VIPR2: variants seen among roughly 807,000 people sequenced by gnomAD.
The protein encoded by VIPR2 is vasoactive intestinal peptide receptor 2.
VIPR2 carries 48 observed loss-of-function variants against 58.0 expected under a neutral mutation model. That is an observed-to-expected ratio of 0.83 (90% CI 0.66 to 1.05). The LOEUF (loss-of-function observed/expected upper bound fraction) is 1.05. Among genes scored for constraint, VIPR2 ranks in the 50% least tolerant of loss-of-function variants. VIPR2 has a pLI of 0.00. For synonymous variants in VIPR2, 243 were observed against 235.2 expected (o/e 1.03, Z -0.30); for missense variants, 534 against 558.0 (o/e 0.96, Z 0.43).
chr7:159,046,660 G>A (rs1038545414), intron 5 of VIPR2, among the ~76,000 whole-genome samples: 2 of 152,166 alleles, frequency 1.3e-5, no homozygotes, highest in African/African-American at 4.8e-5. Flanking sequence ...TGTACCTTAA[G>A]ATGGCTCAAA....
chr7:159,081,429 A>T (rs1187935992), intron 4 of VIPR2, among the ~76,000 whole-genome samples: 1 of 152,234 alleles, frequency 6.6e-6, no homozygotes, highest in Non-Finnish European at 1.5e-5. Flanking sequence ...AGAAAGCTGA[A>T]ACTGGATCCC....
At chr7:159,122,009 G>A (rs1239272078) in intron 2 of VIPR2, among the ~76,000 whole-genome samples, 2 of 152,352 alleles carry the variant, frequency 1.3e-5, no homozygotes, top group East Asian at 3.9e-4. Flanking sequence ...GTGAAAAGTT[G>A]TTGAACCAGA....
intron 4 of VIPR2, among the ~76,000 whole-genome samples, chr7:159,071,397 G>C (rs1435051568): frequency 1.3e-5 from 2 of 152,188 alleles, no homozygotes; most frequent in African/African-American, 4.8e-5. Context: ...ACCACTCAGA[G>C]AGTGCCTGTC....
chr7:159,034,697 A>G (rs2129492893), intron 8 of VIPR2, 47 bp from the exon 9 acceptor site: 1 of 1,562,634 alleles, frequency 6.4e-7, no homozygotes, highest in Non-Finnish European at 8.8e-7. Context: ...CCACTTTCGC[A>G]AGACAGGTAC....
At chr7:159,059,840 C>G (rs1855533061) in intron 4 of VIPR2, among the ~76,000 whole-genome samples, 1 of 151,290 alleles carries the variant, frequency 6.6e-6, no homozygotes, top group Non-Finnish European at 1.5e-5. Flanking sequence ...CCTCACCTCA[C>G]CTAACCACAA....
intron 4 of VIPR2, among the ~76,000 whole-genome samples, chr7:159,102,447 C>T (rs1326292430): frequency 6.6e-6 from 1 of 152,242 alleles, no homozygotes; most frequent in African/African-American, 2.4e-5. Flanking sequence ...ATCTCAGATA[C>T]GTCTTTATCA....
chr7:159,104,482 G>C (rs374815773), intron 3 of VIPR2, among the ~76,000 whole-genome samples: 48 of 137,260 alleles, frequency 3.5e-4, no homozygotes, highest in African/African-American at 1.3e-3. Flanking sequence ...TGGTGACCAG[G>C]TGCCCAGTCC....
In VIPR2 at chr7:159,063,859, G is replaced by A. The variant is rs1441603382; in HGVS notation, c.358-5281C>T. Among the ~76,000 whole-genome samples, 32 of 94,528 alleles carry A rather than the reference G, an allele frequency of 3.4e-4. 2 individuals carry two copies. Among genetic ancestry groups the A allele is most frequent in the Admixed American group, 5.4e-4 (5 of 9,324 alleles). 62.0% of individuals were successfully genotyped at this position (94,528 alleles called of 152,430 possible). A position where few individuals can be genotyped will look rare whatever the true frequency, so the allele number is the denominator to read the frequency against. ...TGGTGGGGTCTGGGGGGCCTGGTGG[G>A]TTCCGGGGGTCCTGGTGGGGTCTGG... On this transcript the variant is annotated intron_variant, in intron 4 of 12. Transcript: ENST00000262178.
intron 2 of VIPR2, among the ~76,000 whole-genome samples, chr7:159,132,647 T>C (rs1228038995): frequency 9.0e-3 from 1,369 of 151,848 alleles, no homozygotes; most frequent in African/African-American, 0.032. Flanking sequence ...CGAGTCACAG[T>C]GGCCACAGTG....
intron 2 of VIPR2, among the ~76,000 whole-genome samples, chr7:159,114,500 G>C (rs1585528783): frequency 6.6e-6 from 1 of 152,290 alleles, no homozygotes; most frequent in East Asian, 1.9e-4. Flanking sequence ...TAAAATCAAA[G>C]GTCGCTCTGA....
In VIPR2 at chr7:159,144,826, C is replaced by G. The variant is rs993138261; in HGVS notation, c.-55G>C. ...GCGCCCGCCGCCTCCGTCCTAGGTC[C>G]CCGCGGTTCCGCCGCCTCCAGCATG... On this transcript the variant is annotated 5_prime_UTR_variant, in exon 1 of 13. Transcript: ENST00000262178. 12 of 1,228,990 alleles carry G rather than the reference C, an allele frequency of 9.8e-6. No homozygotes were observed. In the African/African-American group the frequency reaches 1.4e-4, roughly 14 times the overall value. The allele number at this position is 1,228,990 out of a possible 1,614,324, so 76.1% of individuals were successfully genotyped here. A position where few individuals can be genotyped will look rare whatever the true frequency, so the allele number is the denominator to read the frequency against.
chr7:159,037,243 TC>T (rs1854027349), intron 6 of VIPR2, among the ~76,000 whole-genome samples: 1 of 152,196 alleles, frequency 6.6e-6, no homozygotes, highest in African/African-American at 2.4e-5. Flanking sequence ...CCTCGGCTAC[TC>T]CACTTCCCCT....
chr7:159,064,998 A>G (rs548357189), intron 4 of VIPR2, among the ~76,000 whole-genome samples: 1 of 152,038 alleles, frequency 6.6e-6, no homozygotes, highest in South Asian at 2.1e-4. Flanking sequence ...GGCGGTGGGA[A>G]CTCCGTGGGA....
chr7:159,058,618 C>T, intron 4 of VIPR2, 40 bp from the exon 5 acceptor site: 2 of 1,395,020 alleles, frequency 1.4e-6, no homozygotes, highest in Non-Finnish European at 2.0e-6. Context: ...TGAGGGTGAC[C>T]AGCAACACCA....
chr7:159,112,216 G>A (rs1386179955), intron 2 of VIPR2, among the ~76,000 whole-genome samples: 3 of 152,190 alleles, frequency 2.0e-5, no homozygotes, highest in Non-Finnish European at 4.4e-5. Flanking sequence ...CCCTTCAATG[G>A]CCAGGGAAAG....
chr7:159,098,221 C>T lies in VIPR2; in HGVS notation c.357+5536G>A, dbSNP rs563647070. Among the ~76,000 whole-genome samples, 3 of 152,288 alleles carry T rather than the reference C, an allele frequency of 2.0e-5. No individual in the cohort carries two copies. Among genetic ancestry groups the T allele is most frequent in the Non-Finnish European group, 2.9e-5 (2 of 68,004 alleles). On this transcript the variant is annotated intron_variant, in intron 4 of 12. Transcript: ENST00000262178. This position sits in a 1 kb window ranked among gnomAD's most constrained non-coding sequence, Gnocchi z 5.2. ...GCAGGGCAGGGCAGGGCCGGGTGGT[C>T]GGGCCCCAGCACACGGCTCGGGGAG... is the stretch of plus-strand genomic sequence containing the variant.
chr7:159,117,722 G>A (rs1368654400), intron 2 of VIPR2, among the ~76,000 whole-genome samples: 1 of 152,156 alleles, frequency 6.6e-6, no homozygotes, highest in Non-Finnish European at 1.5e-5. Context: ...GGTGGCCCAG[G>A]AGGCCCGAGT....
intron 2 of VIPR2, among the ~76,000 whole-genome samples, chr7:159,140,036 A>G (rs1797399631): frequency 6.6e-6 from 1 of 152,256 alleles, no homozygotes; most frequent in Admixed American, 6.5e-5. Context: ...AAGAGAGCTT[A>G]GAATTGAAAT....
chr7:159,144,512 G>A (rs1419469938), intron 1 of VIPR2: 7 of 1,525,854 alleles, frequency 4.6e-6, no homozygotes, highest in Middle Eastern at 1.7e-4. Context: ...CTCCCAACCC[G>A]AGTCCCGCAA....
Sources: allele counts gnomAD v4.1 joint callset (sites outside exome capture counted in the v4.1 genomes callset), GRCh38; gene constraint gnomAD v4.1.1; non-coding constraint Gnocchi (gnomAD v3.1); transcripts MANE v1.5; gene names NCBI Gene and HGNC (gene_info 2026-07-23, HGNC 2026-07-21).